Variants in DNAJC11 observed in about 807,000 individuals in gnomAD.
The protein encoded by DNAJC11 is DnaJ heat shock protein family (Hsp40) member C11, also known as dnaJ homolog subfamily C member 11.
DNAJC11 carries 15 observed loss-of-function variants against 78.6 expected under a neutral mutation model. The observed-to-expected ratio is 0.19, with a 90% CI of 0.13 to 0.29. The LOEUF is 0.29. DNAJC11 is among the 10% of genes least tolerant of loss of function. DNAJC11 has a pLI of 1.00. For synonymous variants in DNAJC11, 292 were observed against 272.1 expected, an observed-to-expected ratio of 1.07 and a Z score of -0.72; for missense variants, 547 against 709.6, an observed-to-expected ratio of 0.77 and a Z score of 2.60.
intron 3 of DNAJC11, among the ~76,000 whole-genome samples, chr1:6,670,204 C>T (rs570856667): frequency 5.9e-5 from 9 of 152,046 alleles, no homozygotes; most frequent in Non-Finnish European, 1.0e-4. Context: ...GTGATCCGCC[C>T]GCCCAGATTA....
Position 6,680,920 on chromosome 1 carries a change from G to GTGAACT in DNAJC11, c.189_190insAGTTCA (p.His63_Gln64insSerSer). On this transcript the variant is annotated inframe_insertion, in exon 2 of 16. Coordinates refer to ENST00000377577, the MANE Select transcript of DNAJC11 (RefSeq NM_018198.4). This position sits in a 1 kb window ranked among gnomAD's most constrained non-coding sequence, Gnocchi z 4.0. ...GCCCTCCACTGACCTTCATAAGCCT[G>GTGAACT]GTGAACAAGGTTAAACAGTCGTTCC... is the stretch of plus-strand genomic sequence containing the variant. 6.2e-7 allele frequency: 1 copy of GTGAACT among 1,613,966 alleles called. No homozygotes were observed. Among genetic ancestry groups the GTGAACT allele is most frequent in the Non-Finnish European group, 8.5e-7 (1 of 1,179,894 alleles).
intron 3 of DNAJC11, among the ~76,000 whole-genome samples, chr1:6,674,512 G>C (rs1357805705): frequency 1.3e-5 from 2 of 152,092 alleles, no homozygotes; most frequent in East Asian, 1.9e-4. Context: ...AGTGAGCCAA[G>C]ATCACGCCAC....
intron 1 of DNAJC11, among the ~76,000 whole-genome samples, chr1:6,681,942 T>C (rs1192277089): frequency 1.3e-5 from 2 of 152,032 alleles, no homozygotes; most frequent in African/African-American, 4.8e-5. Context: ...TAAAGAACAT[T>C]TGATTTGAGG....
chr1:6,657,001 C>CA (rs1642136783), intron 4 of DNAJC11, among the ~76,000 whole-genome samples: 1 of 152,084 alleles, frequency 6.6e-6, no homozygotes, highest in African/African-American at 2.4e-5. Flanking sequence ...ACAGGAAATA[C>CA]ACTCTTCAAA....
In DNAJC11 at chr1:6,678,446, C is replaced by T; in HGVS notation, c.224G>A (p.Arg75Lys). 6.2e-7 allele frequency: 1 copy of T among 1,613,896 alleles called. No individual in the cohort carries two copies. Among genetic ancestry groups the T allele is most frequent in the Non-Finnish European group, 8.5e-7 (1 of 1,179,928 alleles). The change falls in exon 3 of 16, where the codon AGG becomes AAG. Residue 75 changes from arginine (R) to lysine (K), a missense_variant. Transcript: ENST00000377577. ...AYEVLSDPQTRAIYDIYGKRG... is the reference protein window; with the variant it reads ...AYEVLSDPQTKAIYDIYGKRG... ...CTTCCCATATATATCATAGATGGCC[C>T]TGGTTTGGGGGTCACTAAGCACTGC...
chr1:6,646,467 T>C (rs1324474472), intron 7 of DNAJC11, among the ~76,000 whole-genome samples: 1 of 152,100 alleles, frequency 6.6e-6, no homozygotes, highest in Non-Finnish European at 1.5e-5. Flanking sequence ...TCCCAATGAT[T>C]CCAATGTGCA....
In DNAJC11 at chr1:6,645,932, G is replaced by A. The variant is rs1641958030; in HGVS notation, c.751C>T (p.Arg251Ter). Reference sequence around the variant, plus strand: ...GCTAGGACAGTGGTCAGGCCGGGTCGGATTCCACGGGATGAAAACTGCAGA... The same window carrying A: ...GCTAGGACAGTGGTCAGGCCGGGTCAGATTCCACGGGATGAAAACTGCAGA... ...CALQFSSRGI[R>*]PGLTTVLARN... The change falls in exon 8 of 16, where the codon CGA (arginine) becomes TGA (stop). Residue 251 changes from arginine (R) to a stop codon, truncating the protein, a stop_gained. Transcript: ENST00000377577. LOFTEE classifies it high-confidence loss of function. The surrounding 1 kb of genome is among the most constrained non-coding windows in gnomAD (Gnocchi z 4.1). 1 of 1,614,026 alleles carries A rather than the reference G, an allele frequency of 6.2e-7. No individual in the cohort carries two copies.
chr1:6,636,283 C>T (rs375658973), intron 14 of DNAJC11, 37 bp from the exon 15 acceptor site: 42 of 1,609,782 alleles, frequency 2.6e-5, no homozygotes, highest in East Asian at 8.9e-5. Flanking sequence ...ATACTCCAGA[C>T]GGTCTAAGAC....
At chr1:6,677,164 A>C (rs1642477174) in intron 3 of DNAJC11, among the ~76,000 whole-genome samples, 3 of 151,372 alleles carry the variant, frequency 2.0e-5, no homozygotes, top group Admixed American at 6.6e-5. Context: ...GTCTCAAAAA[A>C]AAAAAAAAAA....
At chr1:6,651,076 G>A (rs1454056657) in intron 7 of DNAJC11, 1 of 534,398 alleles carries the variant, frequency 1.9e-6, no homozygotes, top group Non-Finnish European at 3.8e-6. Context: ...ACAGTTCTAG[G>A]AGTGTGACAT....
chr1:6,638,450 C>A, intron 11 of DNAJC11, 86 bp from the exon 12 acceptor site: 1 of 1,294,842 alleles, frequency 7.7e-7, no homozygotes, highest in South Asian at 1.3e-5. Context: ...TGGACCCGAG[C>A]CCAGCAAACA....
intron 1 of DNAJC11, among the ~76,000 whole-genome samples, chr1:6,693,432 G>A (rs1008770322): frequency 6.6e-6 from 1 of 152,174 alleles, no homozygotes; most frequent in East Asian, 1.9e-4. Context: ...TCAGGCTGGA[G>A]TGCAGTGGTG....
chr1:6,663,670 C>T (rs906643775), intron 4 of DNAJC11, among the ~76,000 whole-genome samples: 2 of 152,158 alleles, frequency 1.3e-5, no homozygotes, highest in Non-Finnish European at 2.9e-5. Flanking sequence ...CCTGCCCAGC[C>T]ACCAATTCTC....
intron 7 of DNAJC11, among the ~76,000 whole-genome samples, chr1:6,648,641 G>T (rs1474216649): frequency 1.3e-5 from 2 of 152,106 alleles, no homozygotes; most frequent in East Asian, 3.9e-4. Flanking sequence ...ATTTTTTGTA[G>T]AGTCAAGGTT....
intron 1 of DNAJC11, among the ~76,000 whole-genome samples, chr1:6,686,984 T>C (rs141485519): frequency 1.5e-4 from 23 of 152,354 alleles, no homozygotes; most frequent in Non-Finnish European, 2.5e-4. Flanking sequence ...CAATTGAAGA[T>C]TCATTACTGT....
At chr1:6,701,091 T>C (rs755524175) in intron 1 of DNAJC11, among the ~76,000 whole-genome samples, 1 of 152,180 alleles carries the variant, frequency 6.6e-6, no homozygotes, top group African/African-American at 2.4e-5. Context: ...TTTTCTGGCC[T>C]AGGGCTTCTT....
At chr1:6,658,222 A>G (rs1642160155) in intron 4 of DNAJC11, among the ~76,000 whole-genome samples, 1 of 152,230 alleles carries the variant, frequency 6.6e-6, no homozygotes, top group Non-Finnish European at 1.5e-5. Flanking sequence ...TGAAGCGTCT[A>G]ATGAAACTGG....
intron 1 of DNAJC11, among the ~76,000 whole-genome samples, chr1:6,688,494 T>C (rs1336575433): frequency 6.6e-6 from 1 of 152,202 alleles, no homozygotes; most frequent in Non-Finnish European, 1.5e-5. Flanking sequence ...AAATATAATA[T>C]GGTCCGTAGC....
At position 6,635,378 on chromosome 1, in the gene DNAJC11, T is replaced by C. The variant is rs1641742716; in HGVS notation, c.*297A>G. On this transcript the variant is annotated 3_prime_UTR_variant, in exon 16 of 16. Transcript: ENST00000377577. ...GGCGGCGGGCTGCGGTCAGCACGTGTGCTCGGGACACAGCGGAGTCAGGGC... is the reference window on the plus strand; with the variant it reads ...GGCGGCGGGCTGCGGTCAGCACGTGCGCTCGGGACACAGCGGAGTCAGGGC... 1 of 345,712 alleles carries C rather than the reference T, an allele frequency of 2.9e-6. No individual in the cohort carries two copies. The highest frequency in any genetic ancestry group is 4.2e-5 in the Admixed American group (1 of 23,854). 21.4% of individuals were successfully genotyped at this position (345,712 alleles called of 1,614,324 possible).
Sources: gnomAD v4.1 joint callset for allele counts (sites outside exome capture counted in the v4.1 genomes callset) on GRCh38, gnomAD v4.1.1 for gene constraint, Gnocchi (gnomAD v3.1) non-coding constraint, MANE v1.5 for transcripts, NCBI Gene and HGNC (gene_info 2026-07-23, HGNC 2026-07-21) for gene names.